TTC28: variants seen among roughly 807,000 people sequenced by gnomAD.
TTC28 encodes the protein tetratricopeptide repeat domain 28.
In TTC28, 61 loss-of-function variants were observed where a neutral mutation model predicts 198.0. That is an observed-to-expected ratio of 0.31 (90% confidence interval 0.25 to 0.38). TTC28 has a LOEUF of 0.38. Among genes scored for constraint, TTC28 ranks in the 10% least tolerant of loss-of-function variants. The pLI, the probability that TTC28 is intolerant of heterozygous loss-of-function variation, is 1.00. For missense variants in TTC28, 2,678 were observed against 3,164.0 expected (o/e 0.85, Z 3.69); for synonymous variants, 1,171 against 1,297.8 (o/e 0.90, Z 2.10).
chr22:28,509,964 CA>C (rs2048666014), intron 2 of TTC28, among the ~76,000 whole-genome samples: 2 of 152,126 alleles, frequency 1.3e-5, no homozygotes, highest in African/African-American at 4.8e-5. Context: ...ATGCACTCTC[CA>C]AAAACTGAAC....
intron 2 of TTC28, among the ~76,000 whole-genome samples, chr22:28,489,572 A>G (rs1237396865): frequency 1.3e-5 from 2 of 152,160 alleles, no homozygotes; most frequent in Non-Finnish European, 2.9e-5. Context: ...AAACAGTAGG[A>G]TATTTTTCTT....
At chr22:27,985,424 A>G (rs994565812) in intron 21 of TTC28, 68 bp from the exon 22 acceptor site, 3 of 1,285,024 alleles carry the variant, frequency 2.3e-6, no homozygotes, top group East Asian at 2.6e-5. Flanking sequence ...CATGAGCGCT[A>G]TAGGGCTCCT....
At chr22:28,563,660 T>C (rs2049925865) in intron 2 of TTC28, among the ~76,000 whole-genome samples, 1 of 152,204 alleles carries the variant, frequency 6.6e-6, no homozygotes, top group African/African-American at 2.4e-5. Context: ...TAAAAAGTGT[T>C]GGTTATGGAG....
chr22:28,377,373 T>C (rs1238726205), intron 2 of TTC28, among the ~76,000 whole-genome samples: 1 of 151,394 alleles, frequency 6.6e-6, no homozygotes, highest in Non-Finnish European at 1.5e-5. Context: ...CCACTGCTTC[T>C]GGTGCCTTTT....
At chr22:28,482,745 G>C (rs1336092647) in intron 2 of TTC28, among the ~76,000 whole-genome samples, 1 of 151,886 alleles carries the variant, frequency 6.6e-6, no homozygotes, top group African/African-American at 2.4e-5. Context: ...CTCTCCCTTT[G>C]TTCCTGGAAA....
intron 20 of TTC28, among the ~76,000 whole-genome samples, chr22:27,990,555 T>C (rs974249696): frequency 6.6e-6 from 1 of 152,088 alleles, no homozygotes; most frequent in Non-Finnish European, 1.5e-5. Flanking sequence ...CTGGTGGACC[T>C]CAGGAGGTCA....
intron 6 of TTC28, among the ~76,000 whole-genome samples, chr22:28,117,106 T>C (rs1942654442): frequency 6.6e-6 from 1 of 152,236 alleles, no homozygotes; most frequent in Admixed American, 6.5e-5. Flanking sequence ...GAAATGATTG[T>C]GTTACTTCCA....
chr22:28,374,964 TGTAA>T (rs1399878243), intron 2 of TTC28, among the ~76,000 whole-genome samples: 1 of 151,398 alleles, frequency 6.6e-6, no homozygotes, highest in African/African-American at 2.4e-5. Context: ...GGCTCATGCC[TGTAA>T]TCTAAGCAAC....
intron 5 of TTC28, among the ~76,000 whole-genome samples, chr22:28,277,306 A>G (rs926318401): frequency 6.6e-6 from 1 of 152,224 alleles, no homozygotes; most frequent in Non-Finnish European, 1.5e-5. Context: ...TTGCATGGTA[A>G]TTAGAGAAAA....
At position 28,269,548 on chromosome 22, in the gene TTC28, C is replaced by T. The variant is rs532477496; in HGVS notation, c.933+26650G>A. 5.3e-5 allele frequency among the ~76,000 whole-genome samples: 8 copies of T among 152,310 alleles called. 1 individual carries two copies. The East Asian group carries it at 1.5e-3, about 29-fold the overall frequency. On this transcript the variant is annotated intron_variant, in intron 5 of 22. Transcript: ENST00000397906. ...TGACTTCTATAACACAATGTTAAAA[C>T]AGCTCATAATGTGAATAAAACCCTG...
At position 27,983,526 on chromosome 22, in the gene TTC28, A is replaced by G. The variant is rs1205104552; in HGVS notation, c.6141T>C (p.Pro2047=). ...ATTCTTCTTCATCTTTGTTGCCTGC[A>G]GGGCGGGTCTGGGGAGGCAGCTGGC... ...PRSQLPPQTR[P]AGNKDEEEYE... Residue 2047 remains proline (P), a synonymous_variant, in exon 23 of 23, where the codon CCT becomes CCC. Coordinates refer to ENST00000397906, the MANE Select transcript of TTC28 (RefSeq NM_001145418.2). The G allele has an allele frequency of 5.8e-6, 9 of 1,550,680 alleles. No homozygotes were observed. In the East Asian group the frequency reaches 7.3e-5, roughly 13 times the overall value.
rs1446358214 is a variant in TTC28 at position 28,005,186 on chromosome 22, G to A, written c.4219-3633C>T. Among the ~76,000 whole-genome samples the A allele has an allele frequency of 6.6e-6, 1 of 152,226 alleles. No individual in the cohort carries two copies. The highest frequency in any genetic ancestry group is 2.4e-5 in the African/African-American group (1 of 41,464). ...GGGCTGTGACCCTGACTGTGGCAAT[G>A]TGAGTCCAGGCAGCAAATGATGCTT... is the stretch of plus-strand genomic sequence containing the variant. On this transcript the variant is annotated intron_variant, in intron 14 of 22. Coordinates refer to ENST00000397906, the MANE Select transcript of TTC28 (RefSeq NM_001145418.2). The surrounding 1 kb of genome is among the most constrained non-coding windows in gnomAD (Gnocchi z 4.9).
At chr22:28,626,182 A>G (rs907971112) in intron 2 of TTC28, among the ~76,000 whole-genome samples, 2 of 152,150 alleles carry the variant, frequency 1.3e-5, no homozygotes, top group Non-Finnish European at 2.9e-5. Flanking sequence ...TCTAGCATGC[A>G]GCTGGAGATA....
chr22:28,109,140 A>G (rs9625410), intron 6 of TTC28, among the ~76,000 whole-genome samples: 10,745 of 152,310 alleles, frequency 0.071, 440 homozygotes, highest in South Asian at 0.091. Flanking sequence ...ATTGCATAAC[A>G]ATACACGTAA....
At chr22:28,153,395 TAA>T (rs55726442) in intron 6 of TTC28, among the ~76,000 whole-genome samples, 136 of 97,134 alleles carry the variant, frequency 1.4e-3, no homozygotes, top group South Asian at 6.6e-3. Flanking sequence ...CTCAAAGAAT[TAA>T]AAAAAAAAAA....
chr22:28,540,872 G>A (rs2049396941), intron 2 of TTC28, among the ~76,000 whole-genome samples: 1 of 152,044 alleles, frequency 6.6e-6, no homozygotes, highest in South Asian at 2.1e-4. Flanking sequence ...ATAAGTCAAT[G>A]GACAGGTAAA....
intron 5 of TTC28, among the ~76,000 whole-genome samples, chr22:28,202,790 A>C (rs1301667733): frequency 6.6e-6 from 1 of 152,128 alleles, no homozygotes; most frequent in Non-Finnish European, 1.5e-5. Flanking sequence ...TCATCTTTTG[A>C]ATGTTTCAAA....
At chr22:28,263,238 C>A (rs1931445845) in intron 5 of TTC28, among the ~76,000 whole-genome samples, 1 of 152,094 alleles carries the variant, frequency 6.6e-6, no homozygotes, top group African/African-American at 2.4e-5. Flanking sequence ...AAATGTGTTA[C>A]ATTCATTTAA....
intron 2 of TTC28, among the ~76,000 whole-genome samples, chr22:28,542,168 TAATAAAA>T: frequency 6.6e-6 from 1 of 152,164 alleles, no homozygotes; most frequent in South Asian, 2.1e-4. Flanking sequence ...AAAATTTTTT[TAATAAAA>T]AATAAAAATA....
Sources: allele counts gnomAD v4.1 joint callset (sites outside exome capture counted in the v4.1 genomes callset), GRCh38; gene constraint gnomAD v4.1.1; non-coding constraint Gnocchi (gnomAD v3.1); transcripts MANE v1.5; gene names NCBI Gene and HGNC (gene_info 2026-07-23, HGNC 2026-07-21).